PPP1R12B: variants seen among roughly 807,000 people sequenced by gnomAD.
PPP1R12B encodes the protein protein phosphatase 1 regulatory subunit 12B.
PPP1R12B carries 76 observed loss-of-function variants against 126.1 expected under a neutral mutation model. That is an observed-to-expected ratio of 0.60 (90% CI 0.50 to 0.73). The LOEUF is 0.73. PPP1R12B is among the 30% of genes least tolerant of loss of function. PPP1R12B has a pLI of 0.00. For missense variants in PPP1R12B, 1,052 were observed against 1,205.1 expected (o/e 0.87, Z 1.88); for synonymous variants, 356 against 434.7 (o/e 0.82, Z 2.25).
chr1:202,398,135 T>C (rs771144721), intron 1 of PPP1R12B, among the ~76,000 whole-genome samples: 56 of 152,144 alleles, frequency 3.7e-4, no homozygotes, highest in Admixed American at 1.7e-3. Context: ...TTCCTTAAAT[T>C]TGGCAGATTC....
intron 23 of PPP1R12B, among the ~76,000 whole-genome samples, chr1:202,574,153 C>T (rs1486394623): frequency 1.5e-5 from 2 of 130,022 alleles, no homozygotes; most frequent in African/African-American, 5.9e-5. Flanking sequence ...ACCTTCTAAA[C>T]AGTACATGCC....
At chr1:202,496,373 C>T (rs1259034985) in intron 17 of PPP1R12B, among the ~76,000 whole-genome samples, 2 of 152,186 alleles carry the variant, frequency 1.3e-5, no homozygotes, top group East Asian at 3.8e-4. Context: ...CTACCAATGA[C>T]TCCTTTGAAA....
At chr1:202,386,392 C>T (rs1053363245) in intron 1 of PPP1R12B, among the ~76,000 whole-genome samples, 4 of 152,078 alleles carry the variant, frequency 2.6e-5, no homozygotes, top group Non-Finnish European at 2.9e-5. Context: ...AGTGCAGTGG[C>T]GCAATCTTGG....
chr1:202,400,848 CA>C (rs1477346884), intron 1 of PPP1R12B, among the ~76,000 whole-genome samples: 1 of 152,206 alleles, frequency 6.6e-6, no homozygotes, highest in Non-Finnish European at 1.5e-5. Context: ...TTAAGTTCCA[CA>C]GCTGACATTT....
chr1:202,571,916 G>A (rs755291441), intron 23 of PPP1R12B, among the ~76,000 whole-genome samples: 3 of 152,146 alleles, frequency 2.0e-5, no homozygotes, highest in African/African-American at 4.8e-5. Context: ...TTTGCAGATC[G>A]TCCAGCACCC....
intron 18 of PPP1R12B, among the ~76,000 whole-genome samples, chr1:202,504,356 G>A (rs967066225): frequency 7.2e-5 from 11 of 152,052 alleles, no homozygotes; most frequent in African/African-American, 2.7e-4. Context: ...TCGCACCACT[G>A]CACATCAGTC....
intron 10 of PPP1R12B, chr1:202,438,890 A>G: frequency 1.4e-6 from 2 of 1,456,090 alleles, no homozygotes; most frequent in African/African-American, 1.4e-5. Flanking sequence ...GCAGGAGCCC[A>G]TACATCCACC....
chr1:202,446,256 A>ATATATTTTTTTT (rs376183502), intron 12 of PPP1R12B, among the ~76,000 whole-genome samples: 2 of 54,342 alleles, frequency 3.7e-5, no homozygotes, highest in Admixed American at 3.8e-4. Context: ...ATATATATAT[A>ATATATTTTTTTT]TTTTTTTTTT....
chr1:202,381,394 T>TGG (rs1293350214), intron 1 of PPP1R12B, among the ~76,000 whole-genome samples: 2 of 11,632 alleles, frequency 1.7e-4, no homozygotes, highest in African/African-American at 5.4e-4. Flanking sequence ...TGATGAGCTT[T>TGG]GGGGTGTGTG....
intron 13 of PPP1R12B, among the ~76,000 whole-genome samples, chr1:202,480,578 A>T (rs12031720): frequency 0.41 from 62,367 of 152,046 alleles, 14,753 homozygotes; most frequent in East Asian, 0.7. Context: ...TAAAAATTTA[A>T]ACTTTCAAGC....
rs1378767072 is a variant in PPP1R12B at position 202,548,806 on chromosome 1, C to CTATA, written c.2491-10070_2491-10069insATAT. ...TCTCTCTCTCTCTCTCTCTCTCTCT[C>CTATA]TCTATATATATATATATATATATAT... On this transcript the variant is annotated intron_variant, in intron 18 of 23. Transcript: ENST00000608999. Among the ~76,000 whole-genome samples, 665 of 76,284 alleles carry CTATA rather than the reference C, an allele frequency of 8.7e-3. 2 individuals are homozygous for CTATA. Among genetic ancestry groups the CTATA allele is most frequent in the Middle Eastern group, 0.013 (2 of 152 alleles). The allele number at this position is 76,284 out of a possible 152,430, so 50.0% of individuals were successfully genotyped here.
intron 14 of PPP1R12B, among the ~76,000 whole-genome samples, 166 bp downstream of exon 14, chr1:202,488,789 G>A (rs1432405888): frequency 6.6e-6 from 1 of 152,108 alleles, no homozygotes; most frequent in Non-Finnish European, 1.5e-5. Context: ...CCAGCAATTT[G>A]GGAGGCCAAG....
intron 18 of PPP1R12B, among the ~76,000 whole-genome samples, chr1:202,524,201 C>G (rs1275722693): frequency 6.6e-6 from 1 of 152,100 alleles, no homozygotes; most frequent in Non-Finnish European, 1.5e-5. Flanking sequence ...GTAGAGCCAA[C>G]ATTTCCTGGA....
intron 20 of PPP1R12B, among the ~76,000 whole-genome samples, chr1:202,564,238 G>C (rs1417275844): frequency 2.0e-5 from 3 of 152,032 alleles, no homozygotes; most frequent in African/African-American, 7.3e-5. Flanking sequence ...TATTGAAGTT[G>C]GAGCATCATC....
intron 13 of PPP1R12B, chr1:202,463,154 C>T: frequency 9.4e-6 from 8 of 851,336 alleles, no homozygotes; most frequent in Non-Finnish European, 1.1e-5. Flanking sequence ...CTTTGGGAAA[C>T]TGGCTTGGTT....
At chr1:202,474,812 C>G (rs1457226471) in intron 13 of PPP1R12B, among the ~76,000 whole-genome samples, 3 of 152,234 alleles carry the variant, frequency 2.0e-5, no homozygotes, top group Non-Finnish European at 4.4e-5. Flanking sequence ...CCACATGTGA[C>G]TAGTGGCAAC....
At chr1:202,410,457 A>T (rs183518372) in intron 1 of PPP1R12B, among the ~76,000 whole-genome samples, 185 of 152,312 alleles carry the variant, frequency 1.2e-3, no homozygotes, top group Admixed American at 2.1e-3. Flanking sequence ...AGTATTAGTG[A>T]TATTCTGAGA....
In PPP1R12B at chr1:202,424,397, C is replaced by T. The variant is rs533738031; in HGVS notation, c.542-1169C>T. On this transcript the variant is annotated intron_variant, in intron 3 of 23. Coordinates refer to ENST00000608999, the MANE Select transcript of PPP1R12B (RefSeq NM_002481.4). Reference sequence around the variant, plus strand: ...GGAGTGCAGTGGCGCAATCCCAGCTCATTGCAACCTCCGCCTCCCAGGTTC... The same window carrying T: ...GGAGTGCAGTGGCGCAATCCCAGCTTATTGCAACCTCCGCCTCCCAGGTTC... Among the ~76,000 whole-genome samples the T allele has an allele frequency of 1.1e-4, 17 of 151,718 alleles. No homozygotes were observed. The South Asian group carries it at 3.5e-3, about 32-fold the overall frequency.
At chr1:202,499,395 C>T (rs1679944803) in intron 18 of PPP1R12B, among the ~76,000 whole-genome samples, 1 of 152,104 alleles carries the variant, frequency 6.6e-6, no homozygotes, top group African/African-American at 2.4e-5. Flanking sequence ...GCTGGGAGTA[C>T]AGGCACAAGC....
Sources: allele counts gnomAD v4.1 joint callset (sites outside exome capture counted in the v4.1 genomes callset), GRCh38; gene constraint gnomAD v4.1.1; transcripts MANE v1.5; gene names NCBI Gene and HGNC (gene_info 2026-07-23, HGNC 2026-07-21).